Variants in SLC12A3 observed in about 807,000 individuals in gnomAD.
SLC12A3 encodes the protein Na-Cl cotransporter.
A neutral mutation model predicts 121.0 loss-of-function variants in SLC12A3; 104 were observed. The observed-to-expected ratio is 0.86, with a 90% CI of 0.73 to 1.01. The LOEUF is 1.01. Among genes scored for constraint, SLC12A3 ranks in the 50% least tolerant of loss-of-function variants. SLC12A3 has a pLI of 0.00. For synonymous variants in SLC12A3, 536 were observed against 533.4 expected (o/e 1.00, Z -0.07); for missense variants, 1,328 against 1,356.3 (o/e 0.98, Z 0.33).
At position 56,878,061 on chromosome 16, in the gene SLC12A3, T is replaced by TCCCCCCC; in HGVS notation, c.1096-13_1096-12insCCCCCCC. ...CTCCCTCCCTCCCTCCCTCCCTCTC[T>TCCCCCCC]CCCTCCCTCCTTCAGGACCCTGCTA... is the stretch of plus-strand genomic sequence containing the variant. On this transcript the variant is annotated splice_polypyrimidine_tract_variant and intron_variant, in intron 8 of 25. Coordinates refer to ENST00000563236, the MANE Select transcript of SLC12A3 (RefSeq NM_001126108.2). 2.6e-6 allele frequency: 1 copy of TCCCCCCC among 384,470 alleles called. No homozygotes were observed. 23.8% of individuals were successfully genotyped at this position (384,470 alleles called of 1,614,324 possible). A position where few individuals can be genotyped will look rare whatever the true frequency, so the allele number is the denominator to read the frequency against.
chr16:56,881,057 G>A (rs571172618), intron 12 of SLC12A3, among the ~76,000 whole-genome samples: 2 of 152,356 alleles, frequency 1.3e-5, no homozygotes, highest in East Asian at 3.9e-4. Flanking sequence ...CGCGAGGAGA[G>A]AGGTGGCCAC....
chr16:56,899,616 A>T lies in SLC12A3; in HGVS notation c.2720A>T (p.His907Leu). 2 of 1,612,576 alleles carry T rather than the reference A, an allele frequency of 1.2e-6. No individual in the cohort carries two copies. The highest frequency in any genetic ancestry group is 1.7e-6 in the Non-Finnish European group (2 of 1,178,544). ...PDINQNPRAE[H>L]TKRFEDMIAP... ...ATCAACCAGAACCCTCGGGCTGAGC[A>T]GTAAGTTCTGTTTTGGGGCTTCCAG... The change falls in exon 23 of 26, where the codon CAC becomes CTC. Residue 907 changes from histidine (H) to leucine (L), a missense_variant and splice_region_variant. Transcript: ENST00000563236.
At chr16:56,878,193 GA>G in intron 9 of SLC12A3, 32 bp downstream of exon 9, 2 of 1,527,552 alleles carry the variant, frequency 1.3e-6, no homozygotes, top group Non-Finnish European at 1.8e-6. Flanking sequence ...TCAGGAGGGG[GA>G]GGGACCTGGC....
intron 24 of SLC12A3, 134 bp from the exon 25 acceptor site, chr16:56,904,261 A>C (rs1273828984): frequency 1.1e-6 from 1 of 874,966 alleles, no homozygotes; most frequent in Admixed American, 1.7e-5. Flanking sequence ...AGACTCTATA[A>C]GAATTTATGA....
chr16:56,888,881 G>A (rs1364717689), intron 18 of SLC12A3, among the ~76,000 whole-genome samples: 1 of 152,134 alleles, frequency 6.6e-6, no homozygotes, highest in Admixed American at 6.5e-5. Flanking sequence ...ATTTTTCAGA[G>A]TAACTGCAAA....
rs574639195 is a variant in SLC12A3, at chr16:56,904,413, C to T, written c.2875C>T (p.Leu959=). 6.2e-7 allele frequency: 1 copy of T among 1,614,030 alleles called. No homozygotes were observed. The highest frequency in any genetic ancestry group is 1.7e-5 in the Admixed American group (1 of 60,020). The part of the protein sequence containing the change: ...NRVKSLRQVR[L]NEIVLDYSRD... Reference sequence around the variant, plus strand: ...CGCCCAGTCCCTTCGGCAGGTGAGGCTGAATGAGATTGTGCTGGATTACTC... The same window carrying T: ...CGCCCAGTCCCTTCGGCAGGTGAGGTTGAATGAGATTGTGCTGGATTACTC... The change falls in exon 25 of 26, where the codon CTG becomes TTG. Residue 959 remains leucine (L), a synonymous_variant. Transcript: ENST00000563236.
intron 21 of SLC12A3, among the ~76,000 whole-genome samples, chr16:56,893,840 T>A (rs891890234): frequency 2.6e-5 from 4 of 152,122 alleles, no homozygotes; most frequent in Non-Finnish European, 5.9e-5. Flanking sequence ...TGCAGTGGCA[T>A]GATGTCGGCT....
chr16:56,877,638 G>A (rs1173338888), intron 8 of SLC12A3, among the ~76,000 whole-genome samples: 1 of 152,128 alleles, frequency 6.6e-6, no homozygotes, highest in African/African-American at 2.4e-5. Context: ...CAGATGAGGG[G>A]CCGGGGTGTG....
chr16:56,897,133 A>G lies in SLC12A3; in HGVS notation c.2634-2397A>G, dbSNP rs138139746. Among the ~76,000 whole-genome samples, 751 of 152,056 alleles carry G rather than the reference A, an allele frequency of 4.9e-3. 2 individuals carry two copies. Among genetic ancestry groups the G allele is most frequent in the Middle Eastern group, 0.031 (9 of 292 alleles). On this transcript the variant is annotated intron_variant, in intron 22 of 25. Coordinates refer to ENST00000563236, the MANE Select transcript of SLC12A3 (RefSeq NM_001126108.2). The stretch of plus-strand genomic sequence containing the variant: ...TCTAATTCAGAATGTGAGTTGGTTT[A>G]AAGAGAAAAGGAAGTAAATAGTAAG...
At chr16:56,879,338 C>A in intron 10 of SLC12A3, 111 bp downstream of exon 10, 1 of 1,439,690 alleles carries the variant, frequency 6.9e-7, no homozygotes, top group South Asian at 1.2e-5. Flanking sequence ...GGGGTTGAGG[C>A]CTAGGCTTAG....
At chr16:56,884,910 G>A (rs1163965950) in intron 14 of SLC12A3, among the ~76,000 whole-genome samples, 4 of 152,116 alleles carry the variant, frequency 2.6e-5, no homozygotes, top group African/African-American at 9.7e-5. Flanking sequence ...GGGATTACAG[G>A]TGCATGCTAC....
chr16:56,880,036 AGGGCACCGAGCCG>A, intron 11 of SLC12A3, 81 bp from the exon 12 acceptor site: 15 of 1,522,742 alleles, frequency 9.9e-6, no homozygotes, highest in Non-Finnish European at 1.3e-5. Flanking sequence ...GAGGTCACGG[AGGGCACCGAGCCG>A]GGGCTGGAGC....
intron 24 of SLC12A3, 118 bp from the exon 25 acceptor site, chr16:56,904,276 GC>G: frequency 2.1e-6 from 2 of 957,008 alleles, no homozygotes; most frequent in Non-Finnish European, 3.4e-6. Context: ...TTATGAGGCA[GC>G]AGAGTCTACA....
rs1423250399 is a variant in SLC12A3, at chr16:56,892,977, AGGAGCAGGCCACCACCATCTTCCAGTC to A, written c.2453_2479del (p.Ala818_Gln826del). On this transcript the variant is annotated inframe_deletion, in exon 21 of 26. Transcript: ENST00000563236. ...GTGGACCCCAAGGCCCTGGTGAAGG[AGGAGCAGGCCACCACCATCTTCCAGTC>A]GGAGCAGGGCAAGAAGACCATAGAC... 2.5e-6 allele frequency: 4 copies of A among 1,614,084 alleles called. 1 individual carries two copies. Among genetic ancestry groups the A allele is most frequent in the Admixed American group, 3.3e-5 (2 of 60,008 alleles).
intron 25 of SLC12A3, 55 bp from the exon 26 acceptor site, chr16:56,913,209 C>T (rs527245760): frequency 9.9e-6 from 16 of 1,611,300 alleles, no homozygotes; most frequent in Non-Finnish European, 1.1e-5. Flanking sequence ...GGGAGCTGGG[C>T]GTGTGGAGCG....
chr16:56,897,558 T>C (rs571501227), intron 22 of SLC12A3, among the ~76,000 whole-genome samples: 1 of 152,330 alleles, frequency 6.6e-6, no homozygotes, highest in African/African-American at 2.4e-5. Context: ...TTTTCTGCAA[T>C]GCTAAGGAAA....
At position 56,880,164 on chromosome 16, in the gene SLC12A3, G is replaced by A; in HGVS notation, c.1478G>A (p.Gly493Asp). The A allele has an allele frequency of 1.2e-6, 2 of 1,606,310 alleles. No individual in the cohort carries two copies. The highest frequency in any genetic ancestry group is 1.7e-6 in the Non-Finnish European group (2 of 1,177,312). Reference sequence around the variant, plus strand: ...GAGGACCAGCTGTACCCACTGATCGGCTTCTTCGGCAAAGGCTATGGCAAG... The same window carrying A: ...GAGGACCAGCTGTACCCACTGATCGACTTCTTCGGCAAAGGCTATGGCAAG... ...LCEDQLYPLIGFFGKGYGKNK... is the reference protein window; with the variant it reads ...LCEDQLYPLIDFFGKGYGKNK... The change falls in exon 12 of 26, where the codon GGC becomes GAC. Residue 493 changes from glycine to aspartate, a missense_variant. Coordinates refer to ENST00000563236, the MANE Select transcript of SLC12A3 (RefSeq NM_001126108.2).
At chr16:56,910,578 A>G (rs1011212189) in intron 25 of SLC12A3, among the ~76,000 whole-genome samples, 10 of 152,138 alleles carry the variant, frequency 6.6e-5, no homozygotes, top group African/African-American at 2.4e-4. Flanking sequence ...GAGCTCAAGC[A>G]ATCCACCTGC....
chr16:56,882,606 C>T, intron 13 of SLC12A3, 109 bp downstream of exon 13: 1 of 809,868 alleles, frequency 1.2e-6, no homozygotes, highest in South Asian at 1.3e-5. Context: ...CCCAAGGTCA[C>T]CTCTCAATTT....
Sources: allele counts gnomAD v4.1 joint callset (sites outside exome capture counted in the v4.1 genomes callset), GRCh38; gene constraint gnomAD v4.1.1; transcripts MANE v1.5; gene names NCBI Gene and HGNC (gene_info 2026-07-23, HGNC 2026-07-21).